The following LRRTM3 variants were observed in gnomAD, a reference collection of about 807,000 sequenced individuals.
LRRTM3 encodes the protein leucine-rich repeat transmembrane neuronal protein 3.
In LRRTM3, 24 loss-of-function variants were observed where a neutral mutation model predicts 44.7. The ratio of observed to expected loss-of-function variants is 0.54; its 90% CI spans 0.39 to 0.76. The LOEUF is 0.76. LRRTM3 is among the 30% of genes least tolerant of loss of function. The pLI is 0.00. For missense variants in LRRTM3, 587 were observed against 702.2 expected (o/e 0.84, Z 1.85); for synonymous variants, 277 against 278.7 (o/e 0.99, Z 0.06).
intron 2 of LRRTM3, among the ~76,000 whole-genome samples, chr10:66,954,623 T>G (rs912484868): frequency 6.6e-6 from 1 of 152,124 alleles, no homozygotes; most frequent in African/African-American, 2.4e-5. Flanking sequence ...AGAAGGAAAA[T>G]GAGGTTTAAA....
intron 2 of LRRTM3, among the ~76,000 whole-genome samples, chr10:67,011,579 T>C (rs1852342129): frequency 6.6e-6 from 1 of 152,142 alleles, no homozygotes; most frequent in Non-Finnish European, 1.5e-5. Flanking sequence ...ATGTTGGTGA[T>C]AATATAAATG....
At position 67,101,384 on chromosome 10, in the gene LRRTM3, T is replaced by G. The variant is rs1034134205; in HGVS notation, c.*3588T>G. Among the ~76,000 whole-genome samples the G allele has an allele frequency of 6.6e-6, 1 of 151,760 alleles. No homozygotes were observed. The highest frequency in any genetic ancestry group is 1.5e-5 in the Non-Finnish European group (1 of 67,816). On this transcript the variant is annotated 3_prime_UTR_variant, in exon 3 of 3. Coordinates refer to ENST00000361320, the MANE Select transcript of LRRTM3 (RefSeq NM_178011.5). ...ACATAAAATTCTTTTTCTTTTTTTC[T>G]TTTGGCAAGATTTCTTCTTAAACCA...
chr10:66,959,398 C>T (rs997466736), intron 2 of LRRTM3, among the ~76,000 whole-genome samples: 1 of 152,082 alleles, frequency 6.6e-6, no homozygotes, highest in African/African-American at 2.4e-5. Context: ...TGAGATGTTT[C>T]TTTAAATCAT....
intron 2 of LRRTM3, among the ~76,000 whole-genome samples, chr10:67,059,637 C>A (rs1020227599): frequency 6.6e-6 from 1 of 152,010 alleles, no homozygotes; most frequent in African/African-American, 2.4e-5. Flanking sequence ...TTGTTCTGAT[C>A]TTGAGAAAGT....
At chr10:67,041,181 C>G (rs189471609) in intron 2 of LRRTM3, among the ~76,000 whole-genome samples, 1 of 151,978 alleles carries the variant, frequency 6.6e-6, no homozygotes, top group Non-Finnish European at 1.5e-5. Flanking sequence ...TCTGCCAGAG[C>G]AAATAGTACT....
At chr10:66,972,902 G>A (rs1219850811) in intron 2 of LRRTM3, among the ~76,000 whole-genome samples, 2 of 151,388 alleles carry the variant, frequency 1.3e-5, no homozygotes, top group Admixed American at 1.3e-4. Context: ...AGTAGAGATG[G>A]GGTTTCACCA....
chr10:66,985,014 G>A (rs1436586211), intron 2 of LRRTM3, among the ~76,000 whole-genome samples: 1 of 152,002 alleles, frequency 6.6e-6, no homozygotes, highest in Non-Finnish European at 1.5e-5. Context: ...AAATATTTCA[G>A]TTCTACAAAC....
Position 67,051,449 on chromosome 10 carries a change from CT to C in LRRTM3, c.1537-46132del, listed in dbSNP as rs1855089723. Among the ~76,000 whole-genome samples, 10 of 108,632 alleles carry C rather than the reference CT, an allele frequency of 9.2e-5. No individual in the cohort carries two copies. In the South Asian group the frequency reaches 1.7e-3, roughly 18 times the overall value. 71.3% of individuals were successfully genotyped at this position (108,632 alleles called of 152,430 possible). A position where few individuals can be genotyped will look rare whatever the true frequency, so the allele number is the denominator to read the frequency against. ...TCTAATTTCCTTACACATCTTTTTT[CT>C]TTTTTCTTTTTTCTTTTTTTTTTTT... On this transcript the variant is annotated intron_variant, in intron 2 of 2. Coordinates refer to ENST00000361320, the MANE Select transcript of LRRTM3 (RefSeq NM_178011.5).
chr10:67,034,587 A>G (rs1853928586), intron 2 of LRRTM3, among the ~76,000 whole-genome samples: 1 of 152,154 alleles, frequency 6.6e-6, no homozygotes, highest in Non-Finnish European at 1.5e-5. Flanking sequence ...CAATGCCATC[A>G]TCCAAATTCA....
intron 2 of LRRTM3, among the ~76,000 whole-genome samples, chr10:66,983,741 G>C (rs982571704): frequency 1.3e-5 from 2 of 152,080 alleles, no homozygotes; most frequent in African/African-American, 4.8e-5. Context: ...CCATGATACA[G>C]TTTTTAGGAA....
chr10:66,973,363 T>A (rs1849831857), intron 2 of LRRTM3, among the ~76,000 whole-genome samples: 1 of 152,138 alleles, frequency 6.6e-6, no homozygotes, highest in Non-Finnish European at 1.5e-5. Flanking sequence ...AACATCAATA[T>A]TACAATGAAT....
intron 2 of LRRTM3, among the ~76,000 whole-genome samples, chr10:66,991,664 G>A (rs948181604): frequency 6.6e-6 from 1 of 152,008 alleles, no homozygotes; most frequent in Non-Finnish European, 1.5e-5. Context: ...TGATTCTCCC[G>A]CCTCAGCCTC....
Position 67,025,133 on chromosome 10 carries a change from AAC to A in LRRTM3, c.1537-72452_1537-72451del, listed in dbSNP as rs199605101. 9.1e-3 allele frequency among the ~76,000 whole-genome samples: 1,080 copies of A among 118,074 alleles called. 33 individuals carry two copies. Among genetic ancestry groups the A allele is most frequent in the East Asian group, 0.022 (92 of 4,134 alleles). 77.5% of individuals were successfully genotyped at this position (118,074 alleles called of 152,430 possible). ...GCAACAAGAGCAAAACTCTGTCAAA[AAC>A]AAAAAAAAAAAAGAAAGAAAGGAAG... On this transcript the variant is annotated intron_variant, in intron 2 of 2. Coordinates refer to ENST00000361320, the MANE Select transcript of LRRTM3 (RefSeq NM_178011.5).
intron 2 of LRRTM3, among the ~76,000 whole-genome samples, chr10:66,934,517 T>C (rs1847583964): frequency 6.6e-6 from 1 of 152,188 alleles, no homozygotes; most frequent in African/African-American, 2.4e-5. Context: ...GACACTTCTC[T>C]TTCCTCTACA....
At chr10:66,999,389 T>C (rs1851551808) in intron 2 of LRRTM3, among the ~76,000 whole-genome samples, 1 of 152,100 alleles carries the variant, frequency 6.6e-6, no homozygotes, top group Admixed American at 6.6e-5. Context: ...AAAAAATATA[T>C]AATCAAGGAT....
intron 2 of LRRTM3, among the ~76,000 whole-genome samples, chr10:67,010,442 C>A (rs1852247015): frequency 6.6e-6 from 1 of 152,168 alleles, no homozygotes; most frequent in Non-Finnish European, 1.5e-5. Flanking sequence ...GGATTGCTGA[C>A]TTAATGATGC....
At position 67,100,762 on chromosome 10, in the gene LRRTM3, T is replaced by C. The variant is rs2131943087; in HGVS notation, c.*2966T>C. Among the ~76,000 whole-genome samples, 1 of 151,784 alleles carries C rather than the reference T, an allele frequency of 6.6e-6. No homozygotes were observed. The highest frequency in any genetic ancestry group is 2.4e-5 in the African/African-American group (1 of 41,496). On this transcript the variant is annotated 3_prime_UTR_variant, in exon 3 of 3. Transcript: ENST00000361320. ...CCACATTTTACATAAATTATCTCAT[T>C]TTGTCTTCATAACAACCCTATGAAG...
At chr10:66,960,737 C>T (rs1849063954) in intron 2 of LRRTM3, among the ~76,000 whole-genome samples, 1 of 152,198 alleles carries the variant, frequency 6.6e-6, no homozygotes, top group African/African-American at 2.4e-5. Flanking sequence ...AAATACAGAA[C>T]AGAACAGAAT....
chr10:67,027,448 T>TTC (rs1354902709), intron 2 of LRRTM3, among the ~76,000 whole-genome samples: 4 of 151,152 alleles, frequency 2.6e-5, no homozygotes, highest in Non-Finnish European at 5.9e-5. Flanking sequence ...TTTTTTTTTT[T>TTC]TTTTGATACA....
Sources: allele counts gnomAD v4.1 joint callset (sites outside exome capture counted in the v4.1 genomes callset), GRCh38; gene constraint gnomAD v4.1.1; transcripts MANE v1.5; gene names NCBI Gene and HGNC (gene_info 2026-07-23, HGNC 2026-07-21).